SKIL: variants seen among roughly 807,000 people sequenced by gnomAD.
The protein encoded by SKIL is SKI like proto-oncogene, also known as ski-like protein.
SKIL carries 20 observed loss-of-function variants against 69.6 expected under a neutral mutation model. The observed-to-expected ratio is 0.29, with a 90% CI of 0.20 to 0.42. The LOEUF (loss-of-function observed/expected upper bound fraction) is 0.42. Among genes scored for constraint, SKIL ranks in the 10% least tolerant of loss-of-function variants. The pLI is 1.00. For synonymous variants in SKIL, 310 were observed against 279.9 expected, an observed-to-expected ratio of 1.11 and a Z score of -1.08; for missense variants, 745 against 783.1, an observed-to-expected ratio of 0.95 and a Z score of 0.58.
intron 2 of SKIL, among the ~76,000 whole-genome samples, chr3:170,366,717 A>ACACACACACACT (rs1736547625): frequency 6.7e-6 from 1 of 148,250 alleles, no homozygotes; most frequent in Non-Finnish European, 1.5e-5. Flanking sequence ...ACACACACAT[A>ACACACACACACT]CTTGATTTTA....
intron 2 of SKIL, among the ~76,000 whole-genome samples, chr3:170,376,287 TC>T (rs1737029690): frequency 6.6e-6 from 1 of 152,004 alleles, no homozygotes; most frequent in African/African-American, 2.4e-5. Context: ...CCTCAAATGA[TC>T]CACCCACCTC....
rs553389239 is a variant in SKIL, at chr3:170,358,044, C to G, written c.-634+281C>G. Among the ~76,000 whole-genome samples the G allele has an allele frequency of 2.0e-5, 3 of 152,142 alleles. No individual in the cohort carries two copies. In the South Asian group the frequency reaches 6.2e-4, roughly 32 times the overall value. ...GGCAGGGCGCTGTAGTTGACGGGAG[C>G]CGCGGGGACCCCGGAGACCCGGACG... On this transcript the variant is annotated intron_variant, in intron 1 of 6. Coordinates refer to ENST00000259119, the MANE Select transcript of SKIL (RefSeq NM_005414.5).
In SKIL at chr3:170,396,061, ATAATG is replaced by A. The variant is rs1738169613; in HGVS notation, c.*3649_*3653del. ...TTCATTGAAATGGTTTCTAAACTGT[ATAATG>A]TAATTTGGAGCCTATTTAGTAATAG... is the stretch of plus-strand genomic sequence containing the variant. On this transcript the variant is annotated 3_prime_UTR_variant, in exon 7 of 7. Coordinates refer to ENST00000259119, the MANE Select transcript of SKIL (RefSeq NM_005414.5). 1 of 143,304 alleles carries A rather than the reference ATAATG, an allele frequency of 7.0e-6. No individual in the cohort carries two copies. Among genetic ancestry groups the A allele is most frequent in the Non-Finnish European group, 1.5e-5 (1 of 66,276 alleles). The allele number at this position is 143,304 out of a possible 1,614,324, so 8.9% of individuals were successfully genotyped here. A position where few individuals can be genotyped will look rare whatever the true frequency, so the allele number is the denominator to read the frequency against.
intron 2 of SKIL, among the ~76,000 whole-genome samples, chr3:170,371,896 A>G (rs1013274560): frequency 2.0e-5 from 3 of 152,218 alleles, no homozygotes; most frequent in African/African-American, 7.2e-5. Context: ...AAAATAGAGG[A>G]CATTGCACAT....
At chr3:170,385,680 T>G (rs1477053612) in intron 4 of SKIL, among the ~76,000 whole-genome samples, 1 of 152,318 alleles carries the variant, frequency 6.6e-6, no homozygotes, top group Non-Finnish European at 1.5e-5. Flanking sequence ...CAGCTTTGCT[T>G]AGTGATTAGG....
At position 170,394,020 on chromosome 3, in the gene SKIL, C is replaced by T. The variant is rs1738059759; in HGVS notation, c.*1603C>T. On this transcript the variant is annotated 3_prime_UTR_variant, in exon 7 of 7. Coordinates refer to ENST00000259119, the MANE Select transcript of SKIL (RefSeq NM_005414.5). ...AACCTAAATGTGTGTTTTCTATTTT[C>T]CATTTAAATTTTGCTATATTAAGAC... 6.6e-6 allele frequency: 1 copy of T among 150,952 alleles called. No individual in the cohort carries two copies. Among genetic ancestry groups the T allele is most frequent in the African/African-American group, 2.4e-5 (1 of 40,908 alleles). 9.4% of individuals were successfully genotyped at this position (150,952 alleles called of 1,614,324 possible). A position where few individuals can be genotyped will look rare whatever the true frequency, so the allele number is the denominator to read the frequency against.
At chr3:170,359,087 TA>T (rs746022055) in intron 1 of SKIL, among the ~76,000 whole-genome samples, 4 of 152,236 alleles carry the variant, frequency 2.6e-5, no homozygotes, top group Non-Finnish European at 5.9e-5. Context: ...TAAAATGGCA[TA>T]GCTGAGAAAG....
chr3:170,362,009 A>G (rs1410392243), intron 2 of SKIL, among the ~76,000 whole-genome samples: 1 of 152,172 alleles, frequency 6.6e-6, no homozygotes, highest in Non-Finnish European at 1.5e-5. Flanking sequence ...TACAATGGCC[A>G]CAATTCCCGT....
At position 170,381,034 on chromosome 3, in the gene SKIL, A is replaced by T. The variant is rs541388350; in HGVS notation, c.1099-210A>T. ...TTTTTTAAAGAGACTGGGTCTTCCT[A>T]TGTTGCCCAGGCTGACTCCACGGCT... On this transcript the variant is annotated intron_variant, in intron 2 of 6. Transcript: ENST00000259119. 8.6e-5 allele frequency among the ~76,000 whole-genome samples: 12 copies of T among 138,980 alleles called. No individual in the cohort carries two copies. In the South Asian group the frequency reaches 1.4e-3, roughly 16 times the overall value. The allele number at this position is 138,980 out of a possible 152,430, so 91.2% of individuals were successfully genotyped here.
rs756576803 is a variant in SKIL at position 170,392,446 on chromosome 3, T to C, written c.*29T>C. The C allele has an allele frequency of 1.0e-5, 15 of 1,473,434 alleles. No homozygotes were observed. The South Asian group carries it at 1.8e-4, about 17-fold the overall frequency. The allele number at this position is 1,473,434 out of a possible 1,614,324, so 91.3% of individuals were successfully genotyped here. ...CTGTTAAAGAGATTCATCTGTGTAT[T>C]ACTGACAAGGTTTTTTTTGTTTGTT... On this transcript the variant is annotated 3_prime_UTR_variant, in exon 7 of 7. Transcript: ENST00000259119.
In SKIL at chr3:170,394,263, A is replaced by C. The variant is rs1200116618; in HGVS notation, c.*1846A>C. On this transcript the variant is annotated 3_prime_UTR_variant, in exon 7 of 7. Transcript: ENST00000259119. Reference sequence around the variant, plus strand: ...TGCCTCAGCCTCCCGAGTAGCTGGGACTACAGGCACCCACCACCACTCCCG... The same window carrying C: ...TGCCTCAGCCTCCCGAGTAGCTGGGCCTACAGGCACCCACCACCACTCCCG... The C allele has an allele frequency of 6.6e-6, 1 of 151,720 alleles. No homozygotes were observed. The highest frequency in any genetic ancestry group is 1.9e-4 in the East Asian group (1 of 5,170). The allele number at this position is 151,720 out of a possible 1,614,324, so 9.4% of individuals were successfully genotyped here.
chr3:170,373,732 T>A (rs1277479074), intron 2 of SKIL, among the ~76,000 whole-genome samples: 3 of 149,888 alleles, frequency 2.0e-5, no homozygotes, highest in South Asian at 4.2e-4. Context: ...CAAAAAAAAT[T>A]AAAAAAAAAT....
chr3:170,392,244 T>C lies in SKIL; in HGVS notation c.1897-15T>C. ...CAAAACAATTAAAATTGATAGCGCC[T>C]TTTAAATCACATAGTTGGCAGAACT... On this transcript the variant is annotated splice_polypyrimidine_tract_variant and intron_variant, in intron 6 of 6. Coordinates refer to ENST00000259119, the MANE Select transcript of SKIL (RefSeq NM_005414.5). The C allele has an allele frequency of 6.4e-7, 1 of 1,568,784 alleles. No individual in the cohort carries two copies. The highest frequency in any genetic ancestry group is 8.6e-7 in the Non-Finnish European group (1 of 1,160,788).
intron 2 of SKIL, among the ~76,000 whole-genome samples, chr3:170,380,741 G>C (rs1035421631): frequency 1.2e-4 from 18 of 152,158 alleles, no homozygotes; most frequent in Non-Finnish European, 2.5e-4. Context: ...TACTGAAACT[G>C]TTCTTGTGAT....
intron 3 of SKIL, among the ~76,000 whole-genome samples, chr3:170,383,145 T>A (rs1229499600): frequency 6.6e-6 from 1 of 152,230 alleles, no homozygotes; most frequent in Non-Finnish European, 1.5e-5. Context: ...TTTTTTGTTG[T>A]TGAGCCCTAG....
At chr3:170,369,353 A>G (rs1256765402) in intron 2 of SKIL, among the ~76,000 whole-genome samples, 1 of 152,156 alleles carries the variant, frequency 6.6e-6, no homozygotes, top group Non-Finnish European at 1.5e-5. Context: ...GTAGCAGTGC[A>G]TATGTTATCA....
chr3:170,379,707 G>C (rs1737228979), intron 2 of SKIL, among the ~76,000 whole-genome samples: 1 of 152,082 alleles, frequency 6.6e-6, no homozygotes, highest in African/African-American at 2.4e-5. Flanking sequence ...GCAGTGGCAT[G>C]ATCTTGGCTC....
chr3:170,379,239 A>G (rs563413152), intron 2 of SKIL, among the ~76,000 whole-genome samples: 2 of 151,552 alleles, frequency 1.3e-5, no homozygotes, highest in East Asian at 2.0e-4. Flanking sequence ...CGGCCTCCCA[A>G]AATGCTAGGA....
Position 170,360,234 on chromosome 3 carries a change from A to T in SKIL, c.-98A>T. The T allele has an allele frequency of 8.5e-7, 1 of 1,179,732 alleles. No homozygotes were observed. Among genetic ancestry groups the T allele is most frequent in the Non-Finnish European group, 1.2e-6 (1 of 848,982 alleles). 73.1% of individuals were successfully genotyped at this position (1,179,732 alleles called of 1,614,324 possible). ...TTTGAAAGTTTGAGAGTAAGTTACG[A>T]TAGGCATTTGTATCCATTCATTACT... On this transcript the variant is annotated 5_prime_UTR_variant, in exon 2 of 7. Transcript: ENST00000259119.
Sources: gnomAD v4.1 joint callset for allele counts (sites outside exome capture counted in the v4.1 genomes callset) on GRCh38, gnomAD v4.1.1 for gene constraint, MANE v1.5 for transcripts, NCBI Gene and HGNC (gene_info 2026-07-23, HGNC 2026-07-21) for gene names.